Variants in SH3BP2 observed in about 807,000 individuals in gnomAD.
SH3BP2 encodes the protein SH3 domain-binding protein 2.
Under a neutral mutation model 56.2 loss-of-function variants are expected in SH3BP2, and 38 were observed. The ratio of observed to expected loss-of-function variants is 0.68; its 90% CI spans 0.52 to 0.89. SH3BP2 has a LOEUF of 0.89. Among genes scored for constraint, SH3BP2 ranks in the 40% least tolerant of loss-of-function variants. The pLI is 0.00. For synonymous variants in SH3BP2, 346 were observed against 316.7 expected, an observed-to-expected ratio of 1.09 and a Z score of -0.98; for missense variants, 748 against 762.6, an observed-to-expected ratio of 0.98 and a Z score of 0.23.
chr4:2,830,853 C>A (rs557353456), intron 8 of SH3BP2, among the ~76,000 whole-genome samples: 4 of 152,190 alleles, frequency 2.6e-5, no homozygotes, highest in African/African-American at 9.7e-5. Flanking sequence ...GGCACGCGCA[C>A]CCCCGAATGC....
rs1724979614 is a variant in SH3BP2, at chr4:2,831,458, TAGCA to T, written c.1242-112_1242-109del. The T allele has an allele frequency of 1.3e-6, 1 of 799,084 alleles. No individual in the cohort carries two copies. Among genetic ancestry groups the T allele is most frequent in the African/African-American group, 1.7e-5 (1 of 58,742 alleles). 49.5% of individuals were successfully genotyped at this position (799,084 alleles called of 1,614,324 possible). ...GAGCTTTTTAGGGTCACAGGGGCCA[TAGCA>T]GGCAGCTTGCCGTCCTCACACAGAG... On this transcript the variant is annotated intron_variant, in intron 8 of 12. Transcript: ENST00000503393. This position sits in a 1 kb window ranked among gnomAD's most constrained non-coding sequence, Gnocchi z 4.1.
In SH3BP2 at chr4:2,834,963, A is replaced by T. The variant is rs1324068664; in HGVS notation, c.*1129A>T. 6.6e-6 allele frequency: 1 copy of T among 152,322 alleles called. No individual in the cohort carries two copies. The highest frequency in any genetic ancestry group is 1.5e-5 in the Non-Finnish European group (1 of 68,130). 9.4% of individuals were successfully genotyped at this position (152,322 alleles called of 1,614,324 possible). ...GGTGCGTAGGGACGGTGGTACCCAGATGCCCAAGTCTTCCAGGCAATACCT... is the reference window on the plus strand; with the variant it reads ...GGTGCGTAGGGACGGTGGTACCCAGTTGCCCAAGTCTTCCAGGCAATACCT... On this transcript the variant is annotated 3_prime_UTR_variant, in exon 13 of 13. Coordinates refer to ENST00000503393, the MANE Select transcript of SH3BP2 (RefSeq NM_001122681.2).
At position 2,800,470 on chromosome 4, in the gene SH3BP2, C is replaced by T. The variant is rs567210318; in HGVS notation, c.-5+7332C>T. Among the ~76,000 whole-genome samples the T allele has an allele frequency of 4.9e-4, 75 of 152,108 alleles. 2 individuals are homozygous for T. The highest frequency in any genetic ancestry group is 3.4e-3 in the Middle Eastern group (1 of 292). On this transcript the variant is annotated intron_variant, in intron 1 of 12. Coordinates refer to ENST00000503393, the MANE Select transcript of SH3BP2 (RefSeq NM_001122681.2). ...AGGAGGCCCTAGGGGCAGACACCGG[C>T]GGGCTTGCTTACAGGCCCTGCTGAC...
chr4:2,809,842 T>G (rs1036286747), intron 1 of SH3BP2: 5 of 984,888 alleles, frequency 5.1e-6, no homozygotes, highest in Non-Finnish European at 4.8e-6. Flanking sequence ...AAGTGCCCTG[T>G]GTCTGGCATG....
At chr4:2,830,604 C>T (rs1023462855) in intron 8 of SH3BP2, among the ~76,000 whole-genome samples, 6 of 152,228 alleles carry the variant, frequency 3.9e-5, no homozygotes, top group African/African-American at 1.4e-4. Context: ...CTCAAGTGAT[C>T]CGCCTGCCTC....
At chr4:2,800,226 T>TAGTC (rs1320604402) in intron 1 of SH3BP2, among the ~76,000 whole-genome samples, 1 of 152,124 alleles carries the variant, frequency 6.6e-6, no homozygotes, top group African/African-American at 2.4e-5. Context: ...CTGGTGGGAC[T>TAGTC]GACTGTCCCC....
chr4:2,813,766 CA>C (rs1229742290), intron 1 of SH3BP2, among the ~76,000 whole-genome samples: 2 of 152,156 alleles, frequency 1.3e-5, no homozygotes, highest in Non-Finnish European at 2.9e-5. Flanking sequence ...TATGAGTAGA[CA>C]TGAGTGCATG....
intron 1 of SH3BP2, chr4:2,812,580 G>A: frequency 2.1e-6 from 3 of 1,416,284 alleles, no homozygotes; most frequent in Non-Finnish European, 2.8e-6. Context: ...CCTTCCTCGG[G>A]GCTGGCCGTG....
At chr4:2,821,969 G>A (rs1724331993) in intron 2 of SH3BP2, among the ~76,000 whole-genome samples, 2 of 152,154 alleles carry the variant, frequency 1.3e-5, no homozygotes, top group Non-Finnish European at 2.9e-5. Context: ...CTGGGTTCCA[G>A]CAATTCTCCT....
At chr4:2,817,855 G>C (rs1279695236) in intron 1 of SH3BP2, 1 of 152,292 alleles carries the variant, frequency 6.6e-6, no homozygotes, top group Non-Finnish European at 1.5e-5. Flanking sequence ...CGAGGGAGCT[G>C]GTTGCAAGGG....
rs149122170 is a variant in SH3BP2, at chr4:2,830,028, C to T, written c.1122C>T (p.Pro374=). Residue 374 remains proline (P), a synonymous_variant, in exon 8 of 13, where the codon CCC becomes CCT. Coordinates refer to ENST00000503393, the MANE Select transcript of SH3BP2 (RefSeq NM_001122681.2). ...EEDPPREAAM[P]GLFVPPVAPR... ...ACCCCCCAAGGGAGGCAGCCATGCCCGGACTCTTTGTGCCCCCCGTGGCTC... is the reference window on the plus strand; with the variant it reads ...ACCCCCCAAGGGAGGCAGCCATGCCTGGACTCTTTGTGCCCCCCGTGGCTC... 294 of 1,612,890 alleles carry T rather than the reference C, an allele frequency of 1.8e-4. No homozygotes were observed. The East Asian group carries it at 2.0e-3, about 11-fold the overall frequency.
At chr4:2,799,623 G>C (rs1723177726) in intron 1 of SH3BP2, among the ~76,000 whole-genome samples, 1 of 152,230 alleles carries the variant, frequency 6.6e-6, no homozygotes, top group African/African-American at 2.4e-5. Context: ...CTGGCATCAA[G>C]GGGACAGCTA....
chr4:2,818,688 C>G (rs1037832166), intron 1 of SH3BP2: 1 of 998,106 alleles, frequency 1.0e-6, no homozygotes, highest in African/African-American at 1.7e-5. Context: ...GGGCGGGCGG[C>G]GGGGTGTGGC....
At chr4:2,801,440 T>C (rs1355728200) in intron 1 of SH3BP2, among the ~76,000 whole-genome samples, 1 of 152,244 alleles carries the variant, frequency 6.6e-6, no homozygotes, top group African/African-American at 2.4e-5. Context: ...TTCCTTCTTT[T>C]TGCCTCTCTG....
At chr4:2,793,953 G>A (rs189315316) in intron 1 of SH3BP2, among the ~76,000 whole-genome samples, 6 of 152,294 alleles carry the variant, frequency 3.9e-5, no homozygotes, top group Admixed American at 3.3e-4. Flanking sequence ...CCTGCTGTGG[G>A]GAGCCTTCTG....
intron 1 of SH3BP2, chr4:2,799,284 T>C: frequency 3.0e-6 from 3 of 985,446 alleles, no homozygotes; most frequent in Non-Finnish European, 2.4e-6. Context: ...CTTCAGACCC[T>C]GGGCTGCAGC....
chr4:2,811,551 G>A (rs1376618196), intron 1 of SH3BP2, among the ~76,000 whole-genome samples: 1 of 152,234 alleles, frequency 6.6e-6, no homozygotes, highest in Non-Finnish European at 1.5e-5. Context: ...AGGGCACTGG[G>A]CTTGGTGGGG....
rs767159592 is a variant in SH3BP2 at position 2,827,240 on chromosome 4, T to C, written c.439T>C (p.Ser147Pro). Reference sequence around the variant, plus strand: ...CACCCTGCATTGCAGCGACTCCAGCTCGGACACAGACAGCTTCTACGGCGC... The same window carrying C: ...CACCCTGCATTGCAGCGACTCCAGCCCGGACACAGACAGCTTCTACGGCGC... Reference protein sequence around the residue: ...DLPLDTSDSSSDTDSFYGAVE... With the variant: ...DLPLDTSDSSPDTDSFYGAVE... Residue 147 changes from serine (S) to proline (P), a missense_variant, in exon 6 of 13, where the codon TCG becomes CCG. Transcript: ENST00000503393. 1 of 1,614,126 alleles carries C rather than the reference T, an allele frequency of 6.2e-7. No individual in the cohort carries two copies. The highest frequency in any genetic ancestry group is 1.3e-5 in the African/African-American group (1 of 75,032).
chr4:2,801,397 G>A (rs547580039), intron 1 of SH3BP2, among the ~76,000 whole-genome samples: 15 of 152,302 alleles, frequency 9.8e-5, no homozygotes, highest in African/African-American at 2.4e-4. Context: ...CACAGCTCTC[G>A]GTTCCCCAAC....
Sources: allele counts gnomAD v4.1 joint callset (sites outside exome capture counted in the v4.1 genomes callset), GRCh38; gene constraint gnomAD v4.1.1; non-coding constraint Gnocchi (gnomAD v3.1); transcripts MANE v1.5; gene names NCBI Gene and HGNC (gene_info 2026-07-23, HGNC 2026-07-21).